The following AKAP6 variants were observed in gnomAD, a reference collection of about 807,000 sequenced individuals.
The protein encoded by AKAP6 is A-kinase anchor protein 6.
Under a neutral mutation model 188.5 loss-of-function variants are expected in AKAP6, and 58 were observed. The ratio of observed to expected loss-of-function variants is 0.31; its 90% CI spans 0.25 to 0.38. AKAP6 has a LOEUF of 0.38. AKAP6 is among the 10% of genes least tolerant of loss of function. AKAP6 has a pLI of 1.00. For synonymous variants in AKAP6, 989 were observed against 998.6 expected (o/e 0.99, Z 0.18); for missense variants, 2,710 against 2,740.0 (o/e 0.99, Z 0.24).
At chr14:32,588,920 G>C (rs1344506108) in intron 5 of AKAP6, among the ~76,000 whole-genome samples, 1 of 152,128 alleles carries the variant, frequency 6.6e-6, no homozygotes, top group Non-Finnish European at 1.5e-5. Flanking sequence ...AGAGTTTTTA[G>C]CCATACAGGA....
At chr14:32,689,057 A>G (rs1487206987) in intron 8 of AKAP6, among the ~76,000 whole-genome samples, 1 of 152,122 alleles carries the variant, frequency 6.6e-6, no homozygotes, top group Non-Finnish European at 1.5e-5. Flanking sequence ...ATAACATAGG[A>G]CGGTTTATCT....
intron 11 of AKAP6, among the ~76,000 whole-genome samples, chr14:32,740,057 A>T (rs2031606491): frequency 6.6e-6 from 1 of 152,066 alleles, no homozygotes. Flanking sequence ...TCTTTTGGAT[A>T]AAAGCCATTT....
At chr14:32,747,067 G>T (rs1255005206) in intron 11 of AKAP6, among the ~76,000 whole-genome samples, 1 of 152,166 alleles carries the variant, frequency 6.6e-6, no homozygotes, top group Non-Finnish European at 1.5e-5. Context: ...TTTAAGAAAT[G>T]TTTCCTAAAA....
intron 11 of AKAP6, among the ~76,000 whole-genome samples, chr14:32,752,858 T>C (rs777948261): frequency 6.6e-6 from 1 of 152,198 alleles, no homozygotes; most frequent in Non-Finnish European, 1.5e-5. Context: ...AATGACAGGA[T>C]TTCTTTCTTT....
chr14:32,388,731 T>C (rs898709252), intron 1 of AKAP6, among the ~76,000 whole-genome samples: 2 of 152,170 alleles, frequency 1.3e-5, no homozygotes, highest in Non-Finnish European at 2.9e-5. Flanking sequence ...TGGTATAATT[T>C]CAATTTTATT....
At chr14:32,711,374 C>T (rs151004449) in intron 9 of AKAP6, among the ~76,000 whole-genome samples, 1 of 152,206 alleles carries the variant, frequency 6.6e-6, no homozygotes, top group East Asian at 1.9e-4. Context: ...CTCACAGGCA[C>T]TTCTCTGGCG....
intron 1 of AKAP6, among the ~76,000 whole-genome samples, chr14:32,422,973 G>C (rs933823592): frequency 6.6e-6 from 1 of 152,090 alleles, no homozygotes; most frequent in South Asian, 2.1e-4. Context: ...TTGTGAGTTG[G>C]TTAAGTCATT....
At chr14:32,504,021 T>C (rs1880736998) in intron 2 of AKAP6, among the ~76,000 whole-genome samples, 1 of 151,748 alleles carries the variant, frequency 6.6e-6, no homozygotes, top group Non-Finnish European at 1.5e-5. Flanking sequence ...AATAGCTTAG[T>C]GAGGTTGCTA....
intron 9 of AKAP6, among the ~76,000 whole-genome samples, chr14:32,712,206 CTGT>C (rs1205670124): frequency 6.6e-6 from 1 of 151,970 alleles, no homozygotes; most frequent in Admixed American, 6.6e-5. Flanking sequence ...ATACTGTAGG[CTGT>C]TAAGTGTGCA....
intron 1 of AKAP6, among the ~76,000 whole-genome samples, chr14:32,410,650 T>A (rs569692947): frequency 1.1e-3 from 164 of 152,298 alleles, no homozygotes; most frequent in Non-Finnish European, 1.2e-3. Context: ...GACTTTTTTT[T>A]AAAGATTATT....
At chr14:32,544,849 T>C (rs1883120455) in intron 3 of AKAP6, among the ~76,000 whole-genome samples, 1 of 152,168 alleles carries the variant, frequency 6.6e-6, no homozygotes, top group Non-Finnish European at 1.5e-5. Flanking sequence ...CAGACATTCG[T>C]GGAGATTTTA....
chr14:32,355,968 G>A lies in AKAP6; in HGVS notation c.-35+26560G>A, dbSNP rs189567458. Among the ~76,000 whole-genome samples the A allele has an allele frequency of 4.3e-4, 65 of 151,840 alleles. 1 individual carries two copies. Among genetic ancestry groups the A allele is most frequent in the East Asian group, 4.1e-3 (21 of 5,144 alleles). Reference sequence around the variant, plus strand: ...TTTTATATATTTTTTTCGTAAAGACGGGGTTTCACCATGTTGCCCAGGCTG... The same window carrying A: ...TTTTATATATTTTTTTCGTAAAGACAGGGTTTCACCATGTTGCCCAGGCTG... On this transcript the variant is annotated intron_variant, in intron 1 of 13. Transcript: ENST00000280979.
rs17099587 is a variant in AKAP6 at position 32,822,359 on chromosome 14, A to G, written c.4546A>G (p.Thr1516Ala). ...ATCATGCAAATCTAAACATCAGACTACAGAGTTACAACCAGATGTACCTCC... is the reference window on the plus strand; with the variant it reads ...ATCATGCAAATCTAAACATCAGACTGCAGAGTTACAACCAGATGTACCTCC... ...KKSCKSKHQT[T>A]ELQPDVPPHE... Residue 1516 changes from threonine (T) to alanine (A), a missense_variant, in exon 13 of 14, where the codon ACA becomes GCA. By Grantham distance (58) the Thr-to-Ala change is moderately conservative (BLOSUM62 0). Around this residue, in one of 2 missense-constraint regions of AKAP6, gnomAD observed 2,473 missense variants for 2,426.1 expected, o/e 1.02. Coordinates refer to ENST00000280979, the MANE Select transcript of AKAP6 (RefSeq NM_004274.5). 4,222 of 1,613,992 alleles carry G rather than the reference A, an allele frequency of 2.6e-3. 98 individuals are homozygous for G. The African/African-American group carries it at 0.05, about 19-fold the overall frequency.
intron 6 of AKAP6, among the ~76,000 whole-genome samples, 191 bp from the exon 7 acceptor site, chr14:32,600,438 T>C (rs1205953147): frequency 6.6e-6 from 1 of 152,212 alleles, no homozygotes; most frequent in Non-Finnish European, 1.5e-5. Context: ...CACATTTTTG[T>C]GTCCTTATAC....
intron 8 of AKAP6, 129 bp downstream of exon 8, chr14:32,678,588 T>C (rs1889539109): frequency 1.0e-6 from 1 of 1,004,914 alleles, no homozygotes; most frequent in Non-Finnish European, 1.4e-6. Flanking sequence ...AGACTAGGCA[T>C]TAATGTTCTT....
chr14:32,635,954 T>C (rs1887467542), intron 7 of AKAP6, among the ~76,000 whole-genome samples: 1 of 152,106 alleles, frequency 6.6e-6, no homozygotes, highest in Non-Finnish European at 1.5e-5. Context: ...TGTTAGATAG[T>C]TCTCAAGAGA....
rs576936801 is a variant in AKAP6 at position 32,388,266 on chromosome 14, A to G, written c.-34-45194A>G. On this transcript the variant is annotated intron_variant, in intron 1 of 13. Coordinates refer to ENST00000280979, the MANE Select transcript of AKAP6 (RefSeq NM_004274.5). The stretch of plus-strand genomic sequence containing the variant: ...TCTTGGTTAATCTTGCTAATGGTCT[A>G]TTAATTTTATTTGTGTTTTCAAAGA... Among the ~76,000 whole-genome samples, 8 of 152,086 alleles carry G rather than the reference A, an allele frequency of 5.3e-5. No homozygotes were observed. In the East Asian group the frequency reaches 1.5e-3, roughly 29 times the overall value.
rs113611435 is a variant in AKAP6, at chr14:32,725,963, G to A, written c.3001-6491G>A. ...CCCCTTTACAGGCTTAAGTAGATCA[G>A]GATTTTTAAAAAGCAGCTTACTATC... On this transcript the variant is annotated intron_variant, in intron 9 of 13. Coordinates refer to ENST00000280979, the MANE Select transcript of AKAP6 (RefSeq NM_004274.5). Among the ~76,000 whole-genome samples, 824 of 152,224 alleles carry A rather than the reference G, an allele frequency of 5.4e-3. 9 individuals carry two copies. The highest frequency in any genetic ancestry group is 0.019 in the African/African-American group (796 of 41,540).
intron 7 of AKAP6, among the ~76,000 whole-genome samples, chr14:32,657,599 C>A (rs1443728653): frequency 6.6e-6 from 1 of 152,020 alleles, no homozygotes; most frequent in Admixed American, 6.6e-5. Flanking sequence ...TTACTAGAGA[C>A]TTTGTTGTTT....
Sources: gnomAD v4.1 joint callset for allele counts (sites outside exome capture counted in the v4.1 genomes callset) on GRCh38, gnomAD v4.1.1 for gene constraint, gnomAD v4.1.1 regional missense constraint, MANE v1.5 for transcripts, NCBI Gene and HGNC (gene_info 2026-07-23, HGNC 2026-07-21) for gene names.